Variants in SYT8 observed in about 807,000 individuals in gnomAD.
SYT8 encodes the protein synaptotagmin 8, also known as synaptotagmin-8.
SYT8 carries 50 observed loss-of-function variants against 34.9 expected under a neutral mutation model. The ratio of observed to expected loss-of-function variants is 1.43; its 90% CI spans 1.14 to 1.81. The LOEUF is 1.81. Among genes scored for constraint, SYT8 ranks in the 40% most tolerant of loss-of-function variants. The pLI, the probability that SYT8 is intolerant of heterozygous loss-of-function variation, is 0.00. For missense variants in SYT8, 595 were observed against 529.0 expected, an observed-to-expected ratio of 1.12 and a Z score of -1.22; for synonymous variants, 255 against 234.2, an observed-to-expected ratio of 1.09 and a Z score of -0.81.
At chr11:1,833,266 C>T (rs368868068), upstream of SYT8, among the ~76,000 whole-genome samples, 25 of 152,268 alleles carry the variant, frequency 1.6e-4, no homozygotes, top group African/African-American at 5.3e-4. Context: ...TGCCGAGGCC[C>T]GTGAGCTTCA....
chr11:1,834,810 C>G, upstream of SYT8: 2 of 669,200 alleles, frequency 3.0e-6, no homozygotes, highest in South Asian at 3.4e-5. This position sits in a 1 kb window ranked among gnomAD's most constrained non-coding sequence, Gnocchi z 4.5. Context: ...AAGGCAGGGA[C>G]TAGGCTGCCC....
chr11:1,835,928 G>A lies in SYT8; in HGVS notation c.301G>A (p.Ala101Thr). ...TGGCCTGGAGTCCAGCCCGGGGGATGCTCAGCAATGGGGGTGCCTGCAGCT... is the reference window on the plus strand; with the variant it reads ...TGGCCTGGAGTCCAGCCCGGGGGATACTCAGCAATGGGGGTGCCTGCAGCT... ...VDGLESSPGD[A>T]QQWGCLQLSL... The change falls in exon 3 of 8, where the codon GCT becomes ACT. Residue 101 changes from alanine (A) to threonine (T), a missense_variant. By Grantham distance (58) the Ala-to-Thr change is moderately conservative. Transcript: ENST00000341958. 6.2e-7 allele frequency: 1 copy of A among 1,608,490 alleles called. No homozygotes were observed. Among genetic ancestry groups the A allele is most frequent in the Non-Finnish European group, 8.5e-7 (1 of 1,178,542 alleles).
At chr11:1,836,040 C>T (rs907609) in intron 3 of SYT8, 56 bp downstream of exon 3, 244,104 of 1,584,954 alleles carry the variant, frequency 0.15, 19,706 homozygotes, top group Admixed American at 0.21. Flanking sequence ...GAAAGGGTGA[C>T]GGGGGAAGGG....
Position 1,836,938 on chromosome 11 carries a change from G to C in SYT8, c.791-19G>C, listed in dbSNP as rs375630776. 7 of 1,613,020 alleles carry C rather than the reference G, an allele frequency of 4.3e-6. No homozygotes were observed. Among genetic ancestry groups the C allele is most frequent in the African/African-American group, 2.7e-5 (2 of 74,930 alleles). On this transcript the variant is annotated intron_variant, in intron 6 of 7. Coordinates refer to ENST00000341958, the MANE Select transcript of SYT8 (RefSeq NM_001394072.1). ...GCCCCGAGCCCTGGGATGCCCCTTC[G>C]GCAACCTTGCCCTCCCAGAGCCCTA...
At chr11:1,834,968 C>T (rs3758960), upstream of SYT8, 88 of 842,058 alleles carry the variant, frequency 1.0e-4, 1 homozygote, top group East Asian at 1.1e-3. This position sits in a 1 kb window ranked among gnomAD's most constrained non-coding sequence, Gnocchi z 4.5. Flanking sequence ...CTGGCCACCC[C>T]GTGCTGCCTC....
At chr11:1,834,088 G>T, upstream of SYT8, 1 of 169,588 alleles carries the variant, frequency 5.9e-6, no homozygotes, top group Non-Finnish European at 1.3e-5. This position sits in a 1 kb window ranked among gnomAD's most constrained non-coding sequence, Gnocchi z 4.5. Context: ...CTCCTGGCTG[G>T]CTGCTGCTCT....
At chr11:1,835,581 G>C in intron 2 of SYT8, 122 bp downstream of exon 2, 1 of 1,193,838 alleles carries the variant, frequency 8.4e-7, no homozygotes, top group Non-Finnish European at 1.2e-6. Context: ...GCAGGGCGTT[G>C]AGGACCTTCC....
chr11:1,835,392 G>A lies in SYT8; in HGVS notation c.191G>A (p.Arg64Lys), dbSNP rs768423290. 32 of 1,609,048 alleles carry A rather than the reference G, an allele frequency of 2.0e-5. No individual in the cohort carries two copies. The highest frequency in any genetic ancestry group is 2.6e-5 in the Non-Finnish European group (31 of 1,179,412). The change falls in exon 2 of 8, where the codon AGG becomes AAG. Residue 64 changes from arginine (R) to lysine (K), a missense_variant. Coordinates refer to ENST00000341958, the MANE Select transcript of SYT8 (RefSeq NM_001394072.1). ...CAACCCCRRHRKKPRDKESVG... is the reference protein window; with the variant it reads ...CAACCCCRRHKKKPRDKESVG... ...GCCTGCTGCTGCTGCCGCCGCCACAGGAAGAAGCCCAGGGACAAGGAGTCC... is the reference window on the plus strand; with the variant it reads ...GCCTGCTGCTGCTGCCGCCGCCACAAGAAGAAGCCCAGGGACAAGGAGTCC...
At chr11:1,834,408 C>T (rs955091039), upstream of SYT8, 3 of 682,396 alleles carry the variant, frequency 4.4e-6, no homozygotes, top group Non-Finnish European at 7.8e-6. The surrounding 1 kb of genome is among the most constrained non-coding windows in gnomAD (Gnocchi z 4.5). Flanking sequence ...CTACCTGCCA[C>T]CACCTCACCT....
Position 1,836,287 on chromosome 11 carries a change from G to A in SYT8, c.516+3G>A. The A allele has an allele frequency of 1.3e-6, 2 of 1,544,426 alleles. No individual in the cohort carries two copies. Among genetic ancestry groups the A allele is most frequent in the South Asian group, 2.5e-5 (2 of 79,060 alleles). On this transcript the variant is annotated splice_donor_region_variant and intron_variant, in intron 4 of 7. Coordinates refer to ENST00000341958, the MANE Select transcript of SYT8 (RefSeq NM_001394072.1). Reference sequence around the variant, plus strand: ...TTGACGAGACCTGCTGCTTCCACGTGAGTCAGGGATGGTCGGCTGGGTGGG... The same window carrying A: ...TTGACGAGACCTGCTGCTTCCACGTAAGTCAGGGATGGTCGGCTGGGTGGG...
chr11:1,831,867 T>TGGCC (rs1304316982), upstream of SYT8: 4 of 434,082 alleles, frequency 9.2e-6, no homozygotes, highest in South Asian at 6.4e-5. Flanking sequence ...GCCTGGTGGC[T>TGGCC]GGCCGGCCAC....
chr11:1,836,981 T>C lies in SYT8; in HGVS notation c.815T>C (p.Met272Thr), dbSNP rs1301121044. 6.2e-7 allele frequency: 1 copy of C among 1,613,712 alleles called. No individual in the cohort carries two copies. The highest frequency in any genetic ancestry group is 1.1e-5 in the South Asian group (1 of 91,090). Residue 272 changes from methionine (M) to threonine (T), a missense_variant, in exon 7 of 8, where the codon ATG becomes ACG. Physicochemically the swap from Met to Thr is moderately conservative, Grantham distance 81 (BLOSUM62 -1). Coordinates refer to ENST00000341958, the MANE Select transcript of SYT8 (RefSeq NM_001394072.1). ...GAGCCCTACGTGAAGGTCCAGCTCATGCTGAACCAGAGGAAGTGGAAGAAG... is the reference window on the plus strand; with the variant it reads ...GAGCCCTACGTGAAGGTCCAGCTCACGCTGAACCAGAGGAAGTGGAAGAAG... ...LAEPYVKVQL[M>T]LNQRKWKKRK...
At chr11:1,834,351 G>C, upstream of SYT8, 1 of 570,476 alleles carries the variant, frequency 1.8e-6, no homozygotes, top group South Asian at 2.1e-5. This position sits in a 1 kb window ranked among gnomAD's most constrained non-coding sequence, Gnocchi z 4.5. Flanking sequence ...CAGCGGCTGA[G>C]TCAGTGTGTG....
chr11:1,836,883 G>C, intron 6 of SYT8, 22 bp downstream of exon 6: 2 of 1,612,620 alleles, frequency 1.2e-6, no homozygotes, highest in Non-Finnish European at 1.7e-6. Context: ...ACCTGCCCAC[G>C]TTGTTGTACA....
upstream of SYT8, chr11:1,834,484 T>C: frequency 7.8e-7 from 1 of 1,288,844 alleles, no homozygotes; most frequent in Admixed American, 2.0e-5. This position sits in a 1 kb window ranked among gnomAD's most constrained non-coding sequence, Gnocchi z 4.5. Context: ...GCCTGCTCAG[T>C]GAGCTCCGCC....
chr11:1,835,515 A>G, intron 2 of SYT8, 56 bp downstream of exon 2: 1 of 1,593,592 alleles, frequency 6.3e-7, no homozygotes, highest in Non-Finnish European at 8.5e-7. Context: ...TCCAGGCTCC[A>G]GAGCCCAGGG....
chr11:1,833,811 C>T (rs111404983), upstream of SYT8: 10 of 140,786 alleles, frequency 7.1e-5, no homozygotes, highest in East Asian at 2.1e-4. Context: ...GCTGTGTGCG[C>T]GTGCGTGTGT....
At position 1,837,351 on chromosome 11, in the gene SYT8, C is replaced by T. The variant is rs891123243; in HGVS notation, c.1084C>T (p.Leu362=). Residue 362 remains leucine, a synonymous_variant, in exon 8 of 8, where the codon CTG becomes TTG. Transcript: ENST00000341958. ...ARRPIAQRHP[L]RPAREVDRML... Reference sequence around the variant, plus strand: ...GCGGCCCATTGCCCAGCGGCACCCCCTGCGGCCAGCCAGGGAGGTGGACCG... The same window carrying T: ...GCGGCCCATTGCCCAGCGGCACCCCTTGCGGCCAGCCAGGGAGGTGGACCG... 12 of 1,594,882 alleles carry T rather than the reference C, an allele frequency of 7.5e-6. No individual in the cohort carries two copies. Among genetic ancestry groups the T allele is most frequent in the Admixed American group, 1.7e-5 (1 of 59,580 alleles).
chr11:1,834,866 TG>T, upstream of SYT8: 1 of 624,448 alleles, frequency 1.6e-6, no homozygotes, highest in Non-Finnish European at 2.8e-6. This position sits in a 1 kb window ranked among gnomAD's most constrained non-coding sequence, Gnocchi z 4.5. Flanking sequence ...GGGAGGTGGC[TG>T]GGAGGCTGGG....
Sources: allele counts gnomAD v4.1 joint callset (sites outside exome capture counted in the v4.1 genomes callset), GRCh38; gene constraint gnomAD v4.1.1; non-coding constraint Gnocchi (gnomAD v3.1); transcripts MANE v1.5; gene names NCBI Gene and HGNC (gene_info 2026-07-23, HGNC 2026-07-21).